The following PBX1 variants were observed in gnomAD, a reference collection of about 807,000 sequenced individuals.
PBX1 encodes the protein PBX homeobox 1, also known as pre-B-cell leukemia transcription factor 1.
Under a neutral mutation model 53.4 loss-of-function variants are expected in PBX1, and 6 were observed. That is an observed-to-expected ratio of 0.11 (90% CI 0.06 to 0.22). The LOEUF (loss-of-function observed/expected upper bound fraction) is 0.22, where lower values mean the gene tolerates loss of function less well. Ranked by LOEUF, PBX1 falls within the 10% of genes least tolerant of loss-of-function variation. PBX1 has a pLI of 1.00. For missense variants in PBX1, 251 were observed against 551.4 expected, an observed-to-expected ratio of 0.46 and a Z score of 5.46; for synonymous variants, 204 against 212.3, an observed-to-expected ratio of 0.96 and a Z score of 0.34.
At chr1:164,761,577 T>C (rs1157302195) in intron 2 of PBX1, among the ~76,000 whole-genome samples, 1 of 152,160 alleles carries the variant, frequency 6.6e-6, no homozygotes, top group Non-Finnish European at 1.5e-5. Context: ...CCCGTGTAGC[T>C]GGGACTACAG....
chr1:164,815,212 T>A (rs1558024373), intron 6 of PBX1: 1 of 152,250 alleles, frequency 6.6e-6, no homozygotes, highest in Non-Finnish European at 1.5e-5. Context: ...GAAGCTTGGA[T>A]TATCTTCTGC....
At chr1:164,804,794 C>T (rs926029282) in intron 4 of PBX1, among the ~76,000 whole-genome samples, 2 of 152,212 alleles carry the variant, frequency 1.3e-5, no homozygotes, top group African/African-American at 2.4e-5. Flanking sequence ...ATGCTAGGTA[C>T]TCCAATCTTT....
intron 3 of PBX1, among the ~76,000 whole-genome samples, chr1:164,796,992 G>A (rs1668820257): frequency 6.6e-6 from 1 of 152,126 alleles, no homozygotes; most frequent in African/African-American, 2.4e-5. Context: ...TCCTTCCCAG[G>A]TACTGGAAAA....
chr1:164,721,365 T>G lies in PBX1; in HGVS notation c.266-71129T>G, dbSNP rs147602577. Among the ~76,000 whole-genome samples, 482 of 151,806 alleles carry G rather than the reference T, an allele frequency of 3.2e-3. 3 individuals are homozygous for G. Among genetic ancestry groups the G allele is most frequent in the Admixed American group, 5.7e-3 (87 of 15,222 alleles). ...TACTTGATTCTCAGTGTGGCCAGAA[T>G]TCTGTTTAGGGCACTGCTCCAAATC... is the stretch of plus-strand genomic sequence containing the variant. On this transcript the variant is annotated intron_variant, in intron 2 of 8. Transcript: ENST00000420696.
chr1:164,668,760 C>G (rs1410185239), intron 2 of PBX1, among the ~76,000 whole-genome samples: 1 of 152,244 alleles, frequency 6.6e-6, no homozygotes, highest in Non-Finnish European at 1.5e-5. Flanking sequence ...GCCACAGCCC[C>G]TCAGCTTGTT....
chr1:164,604,358 T>C (rs1656408739), intron 2 of PBX1, among the ~76,000 whole-genome samples: 1 of 152,240 alleles, frequency 6.6e-6, no homozygotes. Flanking sequence ...TATCCACCTG[T>C]GTTTCATCAT....
chr1:164,623,734 C>G (rs916505100), intron 2 of PBX1, among the ~76,000 whole-genome samples: 1 of 152,226 alleles, frequency 6.6e-6, no homozygotes, highest in Non-Finnish European at 1.5e-5. Flanking sequence ...TCCTGCAGAG[C>G]CTGCCTTGTG....
intron 2 of PBX1, among the ~76,000 whole-genome samples, chr1:164,579,755 G>A (rs1654484294): frequency 6.6e-6 from 1 of 152,114 alleles, no homozygotes; most frequent in Admixed American, 6.6e-5. Context: ...GAATGAAACT[G>A]AACAGAGAAT....
At chr1:164,658,071 T>C (rs1462469423) in intron 2 of PBX1, among the ~76,000 whole-genome samples, 1 of 151,292 alleles carries the variant, frequency 6.6e-6, no homozygotes, top group African/African-American at 2.4e-5. Context: ...AGGTGGTAGA[T>C]GGGGAGACCT....
At chr1:164,851,900 T>C (rs1671859188), downstream of PBX1, 1 of 158,644 alleles carries the variant, frequency 6.3e-6, no homozygotes, top group Non-Finnish European at 1.4e-5. Flanking sequence ...TAGGCCTGCA[T>C]TAGTGTAGAT....
At chr1:164,693,990 C>G (rs1306403741) in intron 2 of PBX1, among the ~76,000 whole-genome samples, 2 of 152,114 alleles carry the variant, frequency 1.3e-5, no homozygotes, top group Non-Finnish European at 2.9e-5. Flanking sequence ...AACCCAGGTC[C>G]CACCTCCATG....
At chr1:164,639,813 C>A (rs895253791) in intron 2 of PBX1, 4 of 152,174 alleles carry the variant, frequency 2.6e-5, no homozygotes, top group Non-Finnish European at 4.4e-5. Flanking sequence ...TAGGCATGCA[C>A]CACCATGCCC....
chr1:164,650,473 G>T (rs2792246), intron 2 of PBX1, among the ~76,000 whole-genome samples: 45,653 of 151,854 alleles, frequency 0.3, 7,573 homozygotes, highest in Middle Eastern at 0.43. Flanking sequence ...TGATCCGCCC[G>T]CCTCAGACTC....
intron 2 of PBX1, among the ~76,000 whole-genome samples, chr1:164,667,270 A>G (rs1432111254): frequency 2.0e-5 from 3 of 152,150 alleles, no homozygotes; most frequent in African/African-American, 7.2e-5. Context: ...TGAGCTAAGT[A>G]AAAAACAATG....
chr1:164,644,765 T>C (rs1659353453), intron 2 of PBX1, among the ~76,000 whole-genome samples: 1 of 152,184 alleles, frequency 6.6e-6, no homozygotes, highest in South Asian at 2.1e-4. Flanking sequence ...CAGACTGTTA[T>C]TAAAGAGTTA....
chr1:164,694,547 T>C (rs1324257434), intron 2 of PBX1, among the ~76,000 whole-genome samples: 2 of 152,210 alleles, frequency 1.3e-5, no homozygotes, highest in Non-Finnish European at 2.9e-5. Context: ...TCTACACATA[T>C]AACTGCCCGG....
At chr1:164,563,080 ACT>A in intron 1 of PBX1, 156 bp from the exon 2 acceptor site, 2 of 448,590 alleles carry the variant, frequency 4.5e-6, no homozygotes, top group Non-Finnish European at 7.9e-6. Flanking sequence ...CTATGGCGGG[ACT>A]CTGTATATTA....
At chr1:164,879,815 T>C (rs1244121991) in intron 2 of PBX1, among the ~76,000 whole-genome samples, 2 of 152,224 alleles carry the variant, frequency 1.3e-5, no homozygotes, top group Non-Finnish European at 2.9e-5. Context: ...ATTTATTCCA[T>C]GTGAATACAT....
intron 2 of PBX1, among the ~76,000 whole-genome samples, chr1:164,687,246 C>T (rs1369264041): frequency 6.6e-6 from 1 of 152,052 alleles, no homozygotes; most frequent in Non-Finnish European, 1.5e-5. Context: ...TAGTGTAAGG[C>T]ACAACTGTTT....
Sources: allele counts gnomAD v4.1 joint callset (sites outside exome capture counted in the v4.1 genomes callset), GRCh38; gene constraint gnomAD v4.1.1; transcripts MANE v1.5; gene names NCBI Gene and HGNC (gene_info 2026-07-23, HGNC 2026-07-21).